Variants in STRIP2 observed in about 807,000 individuals in gnomAD.
The protein encoded by STRIP2 is striatin interacting protein 2.
Under a neutral mutation model 107.1 loss-of-function variants are expected in STRIP2, and 84 were observed. That is an observed-to-expected ratio of 0.78 (90% CI 0.66 to 0.94). STRIP2 has a LOEUF of 0.94. Ranked by LOEUF, STRIP2 falls within the 40% of genes least tolerant of loss-of-function variation. The pLI, the probability that STRIP2 is intolerant of heterozygous loss-of-function variation, is 0.00. For synonymous variants in STRIP2, 394 were observed against 400.4 expected, an observed-to-expected ratio of 0.98 and a Z score of 0.19; for missense variants, 888 against 1,034.2, an observed-to-expected ratio of 0.86 and a Z score of 1.94.
chr7:129,483,040 G>A lies in STRIP2; in HGVS notation c.2248G>A (p.Gly750Arg), dbSNP rs776184667. The A allele has an allele frequency of 1.1e-5, 18 of 1,613,984 alleles. No homozygotes were observed. The highest frequency in any genetic ancestry group is 4.5e-5 in the East Asian group (2 of 44,896). Residue 750 changes from glycine (G) to arginine (R), a missense_variant, in exon 20 of 21, where the codon GGG (glycine) becomes AGG (arginine). Gly to Arg is a moderately radical substitution (Grantham distance 125). Coordinates refer to ENST00000249344, the MANE Select transcript of STRIP2 (RefSeq NM_020704.3). This position sits in a 1 kb window ranked among gnomAD's most constrained non-coding sequence, Gnocchi z 5.1. ...CCGCATGAACGATGACTGGGCTTAC[G>A]GGAATGGTGAGTCTTCCCAAAGCTC... ...RHRMNDDWAY[G>R]NDIDARPWDF... is the part of the protein sequence containing the mutation.
At chr7:129,434,709 GC>G in intron 1 of STRIP2, 108 bp downstream of exon 1, 1 of 1,292,984 alleles carries the variant, frequency 7.7e-7, no homozygotes, top group Non-Finnish European at 1.0e-6. Flanking sequence ...CGCTCGATCA[GC>G]CCCGCGCAGT....
chr7:129,456,388 C>A (rs1218962410), intron 8 of STRIP2, 51 bp from the exon 9 acceptor site: 1 of 1,566,268 alleles, frequency 6.4e-7, no homozygotes, highest in South Asian at 1.1e-5. Context: ...TTGGCTCTCT[C>A]TTACTTCCCT....
Position 129,486,787 on chromosome 7 carries a change from T to A in STRIP2, c.*958T>A, listed in dbSNP as rs1237007846. Reference sequence around the variant, plus strand: ...TTTCTTTTTCTGCAGTGTTGATTAATGATTTTTTTCCCGTTTATTGCTAGC... The same window carrying A: ...TTTCTTTTTCTGCAGTGTTGATTAAAGATTTTTTTCCCGTTTATTGCTAGC... On this transcript the variant is annotated 3_prime_UTR_variant, in exon 21 of 21. Coordinates refer to ENST00000249344, the MANE Select transcript of STRIP2 (RefSeq NM_020704.3). 1 of 152,186 alleles carries A rather than the reference T, an allele frequency of 6.6e-6. No homozygotes were observed. Among genetic ancestry groups the A allele is most frequent in the Non-Finnish European group, 1.5e-5 (1 of 68,038 alleles). 9.4% of individuals were successfully genotyped at this position (152,186 alleles called of 1,614,324 possible). A position where few individuals can be genotyped will look rare whatever the true frequency, so the allele number is the denominator to read the frequency against.
intron 19 of STRIP2, among the ~76,000 whole-genome samples, chr7:129,481,523 G>A (rs1799115940): frequency 6.6e-6 from 1 of 150,830 alleles, no homozygotes; most frequent in Admixed American, 6.7e-5. Context: ...TAATAATAAT[G>A]AAAGCCTGGA....
intron 3 of STRIP2, 68 bp from the exon 4 acceptor site, chr7:129,451,545 C>T: frequency 1.3e-6 from 2 of 1,585,422 alleles, no homozygotes; most frequent in Non-Finnish European, 1.7e-6. Context: ...GGTGGATATG[C>T]TATGAGGAGC....
chr7:129,452,168 C>T (rs1307595005), intron 4 of STRIP2, among the ~76,000 whole-genome samples: 1 of 152,126 alleles, frequency 6.6e-6, no homozygotes, highest in African/African-American at 2.4e-5. Context: ...CATTGTTTCT[C>T]ATTGGCATTT....
At chr7:129,449,938 A>G (rs1266395285) in intron 3 of STRIP2, among the ~76,000 whole-genome samples, 2 of 152,182 alleles carry the variant, frequency 1.3e-5, no homozygotes, top group African/African-American at 4.8e-5. Context: ...GGAGCAACCA[A>G]CCAGCTTCCT....
Position 129,483,514 on chromosome 7 carries a change from ATTTTATCAAAAT to A in STRIP2, c.2254+469_2254+480del. Reference sequence around the variant, plus strand: ...TCTTTTTCTATGCATATACATGCATATTTTATCAAAATGAAAGCAAGTTATGTATGCTATTTT... The same window carrying A: ...TCTTTTTCTATGCATATACATGCATAGAAAGCAAGTTATGTATGCTATTTT... On this transcript the variant is annotated intron_variant, in intron 20 of 20. Transcript: ENST00000249344. The surrounding 1 kb of genome is among the most constrained non-coding windows in gnomAD (Gnocchi z 5.1). 5.2e-6 allele frequency: 1 copy of A among 192,184 alleles called. No homozygotes were observed. Among genetic ancestry groups the A allele is most frequent in the Non-Finnish European group, 9.6e-6 (1 of 104,186 alleles). The allele number at this position is 192,184 out of a possible 1,614,324, so 11.9% of individuals were successfully genotyped here. A position where few individuals can be genotyped will look rare whatever the true frequency, so the allele number is the denominator to read the frequency against.
intron 2 of STRIP2, among the ~76,000 whole-genome samples, chr7:129,440,885 GACAA>G (rs1318407802): frequency 1.3e-5 from 2 of 152,152 alleles, no homozygotes; most frequent in African/African-American, 2.4e-5. Flanking sequence ...AGAGAAAAGA[GACAA>G]ACAATTTTAA....
chr7:129,470,718 A>G lies in STRIP2; in HGVS notation c.1944+3A>G. On this transcript the variant is annotated splice_donor_region_variant and intron_variant, in intron 18 of 20. Transcript: ENST00000249344. ...CGGAGCTTACTACTGAAAGTCTGGT[A>G]AGCAGATGGGGATTTGGTAGCCTTT... 11 of 1,613,496 alleles carry G rather than the reference A, an allele frequency of 6.8e-6. No individual in the cohort carries two copies. The highest frequency in any genetic ancestry group is 9.3e-6 in the Non-Finnish European group (11 of 1,179,446).
At chr7:129,470,759 C>T (rs1464200435) in intron 18 of STRIP2, 44 bp downstream of exon 18, 1 of 1,538,612 alleles carries the variant, frequency 6.5e-7, no homozygotes, top group Admixed American at 1.7e-5. Flanking sequence ...TGCTAGGTAG[C>T]ACAGGTTGGC....
chr7:129,480,447 C>T (rs1799088116), intron 18 of STRIP2, among the ~76,000 whole-genome samples: 1 of 152,254 alleles, frequency 6.6e-6, no homozygotes, highest in Non-Finnish European at 1.5e-5. Flanking sequence ...TTTATATAAG[C>T]GCAAAGTACC....
chr7:129,464,019 A>C, intron 14 of STRIP2, 25 bp from the exon 15 acceptor site: 1 of 1,600,034 alleles, frequency 6.2e-7, no homozygotes, highest in Non-Finnish European at 8.6e-7. Flanking sequence ...GACAGTGGTA[A>C]ATTTCTTTAT....
chr7:129,483,284 T>C lies in STRIP2; in HGVS notation c.2254+238T>C. 1 of 1,236,324 alleles carries C rather than the reference T, an allele frequency of 8.1e-7. No homozygotes were observed. Among genetic ancestry groups the C allele is most frequent in the Non-Finnish European group, 1.0e-6 (1 of 987,100 alleles). The allele number at this position is 1,236,324 out of a possible 1,614,324, so 76.6% of individuals were successfully genotyped here. A position where few individuals can be genotyped will look rare whatever the true frequency, so the allele number is the denominator to read the frequency against. On this transcript the variant is annotated intron_variant, in intron 20 of 20. Coordinates refer to ENST00000249344, the MANE Select transcript of STRIP2 (RefSeq NM_020704.3). This position sits in a 1 kb window ranked among gnomAD's most constrained non-coding sequence, Gnocchi z 5.1. ...TTTATAAAACAAGTAAATTGAGAGA[T>C]AATTAATTGCCTTTCCAAAACATTC...
chr7:129,481,464 T>G (rs1034453273), intron 19 of STRIP2, among the ~76,000 whole-genome samples: 3 of 151,982 alleles, frequency 2.0e-5, no homozygotes, highest in African/African-American at 7.3e-5. Context: ...GCCACTGCAC[T>G]CCAGCGTGGG....
chr7:129,471,213 T>C (rs930439136), intron 18 of STRIP2, among the ~76,000 whole-genome samples: 1 of 152,160 alleles, frequency 6.6e-6, no homozygotes, highest in African/African-American at 2.4e-5. Flanking sequence ...AAGTTTCTCA[T>C]CTTGAAAACA....
chr7:129,452,194 A>G (rs1228722752), intron 4 of STRIP2, among the ~76,000 whole-genome samples: 1 of 152,156 alleles, frequency 6.6e-6, no homozygotes, highest in Non-Finnish European at 1.5e-5. Flanking sequence ...GTTCAAGCCA[A>G]CATAACTGCG....
Position 129,434,609 on chromosome 7 carries a change from G to T in STRIP2, c.129+8G>T, listed in dbSNP as rs759805124. Reference sequence around the variant, plus strand: ...CAGCGGCGGGAGTCAGAGGTGAGGAGCCCGGAAAGCTTCGGCTGGGGCCCG... The same window carrying T: ...CAGCGGCGGGAGTCAGAGGTGAGGATCCCGGAAAGCTTCGGCTGGGGCCCG... On this transcript the variant is annotated splice_region_variant and intron_variant, in intron 1 of 20. Coordinates refer to ENST00000249344, the MANE Select transcript of STRIP2 (RefSeq NM_020704.3). 6.6e-5 allele frequency: 98 copies of T among 1,479,090 alleles called. No homozygotes were observed. Among genetic ancestry groups the T allele is most frequent in the Non-Finnish European group, 8.5e-5 (95 of 1,117,308 alleles). The allele number at this position is 1,479,090 out of a possible 1,614,324, so 91.6% of individuals were successfully genotyped here.
chr7:129,464,805 G>A (rs1037236885), intron 16 of STRIP2, 67 bp downstream of exon 16: 1 of 1,599,570 alleles, frequency 6.3e-7, no homozygotes, highest in Non-Finnish European at 8.6e-7. Context: ...TCAAAGGAAG[G>A]ATGCAAAGTC....
Sources: gnomAD v4.1 joint callset for allele counts (sites outside exome capture counted in the v4.1 genomes callset) on GRCh38, gnomAD v4.1.1 for gene constraint, Gnocchi (gnomAD v3.1) non-coding constraint, MANE v1.5 for transcripts, NCBI Gene and HGNC (gene_info 2026-07-23, HGNC 2026-07-21) for gene names.